Variants in HTD2 observed in about 807,000 individuals in gnomAD.
The protein encoded by HTD2 is hydroxyacyl-thioester dehydratase type 2.
Under a neutral mutation model 3.1 loss-of-function variants are expected in HTD2, and 1 was observed. The ratio of observed to expected loss-of-function variants is 0.32; its 90% confidence interval spans 0.11 to 1.52. The LOEUF (loss-of-function observed/expected upper bound fraction) is 1.52. HTD2 is among the 40% of genes most tolerant of loss of function. HTD2 has a pLI of 0.39. For missense variants in HTD2, 150 were observed against 79.6 expected (o/e 1.88, Z -3.36); for synonymous variants, 50 against 28.9 (o/e 1.73, Z -2.34).
At chr3:58,307,568 A>C (rs185093815) in intron 1 of HTD2, among the ~76,000 whole-genome samples, 229 of 150,574 alleles carry the variant, frequency 1.5e-3, no homozygotes, top group African/African-American at 5.5e-3. Context: ...TGTACTAAAA[A>C]TACAAAAGTT....
intron 1 of HTD2, among the ~76,000 whole-genome samples, chr3:58,308,172 G>A (rs147139555): frequency 1.6e-3 from 245 of 152,242 alleles, no homozygotes; most frequent in African/African-American, 5.7e-3. Flanking sequence ...GAAGCATCAG[G>A]TAACTATTTC....
intron 2 of HTD2, among the ~76,000 whole-genome samples, chr3:58,313,642 T>G (rs1386097731): frequency 6.6e-6 from 1 of 151,944 alleles, no homozygotes; most frequent in Non-Finnish European, 1.5e-5. Flanking sequence ...GGGTATCTGG[T>G]GAAACCCCAT....
At chr3:58,308,462 T>C (rs911279676) in intron 1 of HTD2, among the ~76,000 whole-genome samples, 3 of 129,412 alleles carry the variant, frequency 2.3e-5, no homozygotes, top group Non-Finnish European at 5.0e-5. Context: ...TTAAGTTTTT[T>C]TGTTTTTTTT....
Position 58,318,020 on chromosome 3 carries a change from T to A in HTD2, c.407T>A (p.Phe136Tyr). 1.4e-6 allele frequency: 1 copy of A among 702,880 alleles called. No homozygotes were observed. The highest frequency in any genetic ancestry group is 2.6e-6 in the Non-Finnish European group (1 of 384,982). 43.5% of individuals were successfully genotyped at this position (702,880 alleles called of 1,614,324 possible). A position where few individuals can be genotyped will look rare whatever the true frequency, so the allele number is the denominator to read the frequency against. Reference sequence around the variant, plus strand: ...GCAGAAGTGAAAAAGCTGAAGCGGTTCATTGCTATTATTGCAGTGTCATGT... The same window carrying A: ...GCAGAAGTGAAAAAGCTGAAGCGGTACATTGCTATTATTGCAGTGTCATGT... ...ASAEVKKLKRFIAIIAVSCSV... is the reference protein window; with the variant it reads ...ASAEVKKLKRYIAIIAVSCSV... The change falls in exon 5 of 5, where the codon TTC becomes TAC. Residue 136 changes from phenylalanine (F) to tyrosine (Y), a missense_variant. Coordinates refer to ENST00000461393, the MANE Select transcript of HTD2 (RefSeq NM_001348712.2).
intron 2 of HTD2, among the ~76,000 whole-genome samples, chr3:58,314,218 G>A (rs746205920): frequency 1.3e-5 from 2 of 152,198 alleles, no homozygotes; most frequent in African/African-American, 2.4e-5. Flanking sequence ...GGGCGTGGTG[G>A]CACATGCCTG....
At chr3:58,314,792 C>G (rs1365975397) in intron 2 of HTD2, among the ~76,000 whole-genome samples, 2 of 146,542 alleles carry the variant, frequency 1.4e-5, no homozygotes, top group African/African-American at 5.0e-5. Flanking sequence ...TCAGGCGATT[C>G]TCCTGTCTCA....
In HTD2 at chr3:58,318,204, T is replaced by C. The variant is rs899014831; in HGVS notation, c.*84T>C. On this transcript the variant is annotated 3_prime_UTR_variant, in exon 5 of 5. Coordinates refer to ENST00000461393, the MANE Select transcript of HTD2 (RefSeq NM_001348712.2). ...GGAATTGCTGCTCTTTACCAAAGAATGGTTGATAGGCCCAGAAGCCCATCT... is the reference window on the plus strand; with the variant it reads ...GGAATTGCTGCTCTTTACCAAAGAACGGTTGATAGGCCCAGAAGCCCATCT... 1.7e-6 allele frequency: 1 copy of C among 598,360 alleles called. No homozygotes were observed. Among genetic ancestry groups the C allele is most frequent in the Non-Finnish European group, 2.9e-6 (1 of 339,082 alleles). The allele number at this position is 598,360 out of a possible 1,614,324, so 37.1% of individuals were successfully genotyped here.
intron 2 of HTD2, among the ~76,000 whole-genome samples, chr3:58,312,213 T>C (rs2097482978): frequency 1.3e-5 from 2 of 152,198 alleles, no homozygotes; most frequent in Non-Finnish European, 1.5e-5. Context: ...ACATTTACAT[T>C]CCTCCCAGTA....
In HTD2 at chr3:58,316,906, T is replaced by G; in HGVS notation, c.-253-9T>G. ...TGACACACTATGTATTTTCTTGATC[T>G]TTCTGCAGTGGTCTTGTCAAATTGT... On this transcript the variant is annotated splice_polypyrimidine_tract_variant and intron_variant, in intron 3 of 4. Coordinates refer to ENST00000461393, the MANE Select transcript of HTD2 (RefSeq NM_001348712.2). 1 of 1,609,936 alleles carries G rather than the reference T, an allele frequency of 6.2e-7. No homozygotes were observed. The highest frequency in any genetic ancestry group is 1.3e-5 in the African/African-American group (1 of 74,944).
At chr3:58,307,238 C>A (rs571268803) in intron 1 of HTD2, among the ~76,000 whole-genome samples, 5 of 152,180 alleles carry the variant, frequency 3.3e-5, no homozygotes, top group Non-Finnish European at 5.9e-5. Context: ...TTGCAGGCTG[C>A]TCTAAGGACT....
Position 58,310,527 on chromosome 3 carries a change from T to G in HTD2, c.-395T>G. 6.2e-7 allele frequency: 1 copy of G among 1,611,412 alleles called. No individual in the cohort carries two copies. Among genetic ancestry groups the G allele is most frequent in the Non-Finnish European group, 8.5e-7 (1 of 1,179,330 alleles). ...TTTAGAGAATTTCAAGATTGTGGAG[T>G]TGGACTGAATGCTGCACAGTTCAAA... On this transcript the variant is annotated 5_prime_UTR_variant, in exon 2 of 5. Coordinates refer to ENST00000461393, the MANE Select transcript of HTD2 (RefSeq NM_001348712.2).
rs1262626212 is a variant in HTD2 at position 58,319,663 on chromosome 3, TAAG to T, written c.*1548_*1550del. 4 of 151,988 alleles carry T rather than the reference TAAG, an allele frequency of 2.6e-5. No individual in the cohort carries two copies. Among genetic ancestry groups the T allele is most frequent in the South Asian group, 2.1e-4 (1 of 4,816 alleles). 9.4% of individuals were successfully genotyped at this position (151,988 alleles called of 1,614,324 possible). On this transcript the variant is annotated 3_prime_UTR_variant, in exon 5 of 5. Coordinates refer to ENST00000461393, the MANE Select transcript of HTD2 (RefSeq NM_001348712.2). ...AAAAAAAATTGTAAGAAATAAATAT[TAAG>T]AAGATTATGGAGGCCAAATTCTTAA...
chr3:58,314,675 ATTTTTT>A (rs751757663), intron 2 of HTD2, among the ~76,000 whole-genome samples: 26 of 90,582 alleles, frequency 2.9e-4, no homozygotes, highest in African/African-American at 9.7e-4. Flanking sequence ...GTTTGGCAGT[ATTTTTT>A]TTTTTTTTTT....
Position 58,318,003 on chromosome 3 carries a change from G to A in HTD2, c.390G>A (p.Val130=). The part of the protein sequence containing the change: ...IGEVVLASAE[V]KKLKRFIAII... The stretch of plus-strand genomic sequence containing the variant: ...AAGTTGTTTTAGCTTCTGCAGAAGT[G>A]AAAAAGCTGAAGCGGTTCATTGCTA... The change falls in exon 5 of 5, where the codon GTG becomes GTA. Residue 130 remains valine (V), a synonymous_variant. Transcript: ENST00000461393. 1.4e-6 allele frequency: 1 copy of A among 702,798 alleles called. No individual in the cohort carries two copies. The allele number at this position is 702,798 out of a possible 1,614,324, so 43.5% of individuals were successfully genotyped here.
intron 2 of HTD2, among the ~76,000 whole-genome samples, chr3:58,311,149 T>C (rs1368287470): frequency 1.5e-5 from 2 of 131,782 alleles, no homozygotes; most frequent in Non-Finnish European, 3.5e-5. Flanking sequence ...GTTGTTGTTG[T>C]TGTTGTTGTT....
chr3:58,308,053 C>T (rs952104663), intron 1 of HTD2: 1 of 151,066 alleles, frequency 6.6e-6, no homozygotes, highest in Admixed American at 6.6e-5. Context: ...CCAGCTCCAT[C>T]AAGGCAGTAA....
At chr3:58,309,926 C>T (rs35580931) in intron 1 of HTD2, 2,734 of 170,870 alleles carry the variant, frequency 0.016, 37 homozygotes, top group Non-Finnish European at 0.02. Context: ...AAGGCCGGGC[C>T]TGGTGGCTCA....
chr3:58,311,111 C>CT (rs1353110288), intron 2 of HTD2, among the ~76,000 whole-genome samples: 2 of 151,144 alleles, frequency 1.3e-5, no homozygotes, highest in East Asian at 3.9e-4. Flanking sequence ...CACCAATCTA[C>CT]TTTCTATCCT....
chr3:58,311,436 G>C (rs1029613015), intron 2 of HTD2, among the ~76,000 whole-genome samples: 1 of 152,196 alleles, frequency 6.6e-6, no homozygotes, highest in Non-Finnish European at 1.5e-5. Context: ...TTACAGGCAC[G>C]AGCCACTGTG....
Sources: allele counts gnomAD v4.1 joint callset (sites outside exome capture counted in the v4.1 genomes callset), GRCh38; gene constraint gnomAD v4.1.1; transcripts MANE v1.5; gene names NCBI Gene and HGNC (gene_info 2026-07-23, HGNC 2026-07-21).